VAMP7: variants seen among roughly 807,000 people sequenced by gnomAD.
The protein encoded by VAMP7 is vesicle-associated membrane protein 7.
In VAMP7, 14 loss-of-function variants were observed where a neutral mutation model predicts 29.6. The ratio of observed to expected loss-of-function variants is 0.47; its 90% CI spans 0.31 to 0.74. The LOEUF (loss-of-function observed/expected upper bound fraction) is 0.74, where lower values mean the gene tolerates loss of function less well. VAMP7 is among the 30% of genes least tolerant of loss of function. The pLI is 0.05. For missense variants in VAMP7, 223 were observed against 262.4 expected (o/e 0.85, Z 1.04); for synonymous variants, 95 against 88.1 (o/e 1.08, Z -0.44).
chrX:155,939,922 C>A, intron 7 of VAMP7, 129 bp downstream of exon 7: 1 of 774,348 alleles, frequency 1.3e-6, no homozygotes, highest in Non-Finnish European at 2.2e-6. Flanking sequence ...AAACACATGA[C>A]CAGGCAGTGG....
intron 2 of VAMP7, among the ~76,000 whole-genome samples, chrX:155,891,607 C>T (rs543184755): frequency 6.6e-6 from 1 of 152,356 alleles, no homozygotes; most frequent in African/African-American, 2.4e-5. Flanking sequence ...ATGTAGAAGT[C>T]ATTGCTTTCC....
intron 1 of VAMP7, among the ~76,000 whole-genome samples, chrX:155,884,210 C>G (rs918195581): frequency 6.6e-6 from 1 of 152,048 alleles, no homozygotes; most frequent in African/African-American, 2.4e-5. Flanking sequence ...TCACCTCAGC[C>G]TCCACTTCCC....
chrX:155,936,785 G>T (rs1304053183), intron 6 of VAMP7, among the ~76,000 whole-genome samples: 2 of 152,146 alleles, frequency 1.3e-5, no homozygotes, highest in African/African-American at 2.4e-5. Context: ...CTCACGCTGG[G>T]GGCTGTAGAC....
chrX:155,940,006 A>G (rs1775961325), intron 7 of VAMP7, among the ~76,000 whole-genome samples: 1 of 152,114 alleles, frequency 6.6e-6, no homozygotes, highest in Non-Finnish European at 1.5e-5. Context: ...ATATATTCTC[A>G]ATAGGAAGAG....
At chrX:155,893,315 A>T (rs2065947194) in intron 2 of VAMP7, among the ~76,000 whole-genome samples, 1 of 152,160 alleles carries the variant, frequency 6.6e-6, no homozygotes, top group African/African-American at 2.4e-5. Flanking sequence ...GATAGGTCAG[A>T]TGGAGATTTG....
chrX:155,940,109 T>C (rs2066722362), intron 7 of VAMP7, among the ~76,000 whole-genome samples: 1 of 152,110 alleles, frequency 6.6e-6, no homozygotes, highest in Non-Finnish European at 1.5e-5. Context: ...ATTTTTAAAT[T>C]AATTATGTAT....
chrX:155,889,744 C>A, intron 2 of VAMP7, 132 bp downstream of exon 2: 1 of 981,208 alleles, frequency 1.0e-6, no homozygotes, highest in Non-Finnish European at 1.4e-6. Context: ...TAACCTTCAC[C>A]AACTTAGAAA....
chrX:155,892,741 G>GTATTATTATTATTAT (rs34905684), intron 2 of VAMP7, among the ~76,000 whole-genome samples: 7 of 145,890 alleles, frequency 4.8e-5, no homozygotes, highest in South Asian at 2.2e-4. Flanking sequence ...TTTTCACACT[G>GTATTATTATTATTAT]TATTATTATT....
chrX:155,917,583 A>C (rs1402803850), intron 5 of VAMP7, among the ~76,000 whole-genome samples: 1 of 151,848 alleles, frequency 6.6e-6, no homozygotes, highest in Non-Finnish European at 1.5e-5. Context: ...GGTCTGCTGG[A>C]GTTTGTTGGA....
rs1404651329 is a variant in VAMP7, at chrX:155,881,465, G to GC, written c.-10+18dup. 2 of 834 alleles carry GC rather than the reference G, an allele frequency of 2.4e-3. No individual in the cohort carries two copies. The highest frequency in any genetic ancestry group is 0.045 in the Admixed American group (1 of 22). 0.1% of individuals were successfully genotyped at this position (834 alleles called of 1,614,324 possible). ...CCCGGACAGGTAAATGGAGTGGGGTGCGCCTGCGGGAGGCGGGGAGAGAAC... is the reference window on the plus strand; with the variant it reads ...CCCGGACAGGTAAATGGAGTGGGGTGCCGCCTGCGGGAGGCGGGGAGAGAAC... On this transcript the variant is annotated intron_variant, in intron 1 of 7. Coordinates refer to ENST00000286448, the MANE Select transcript of VAMP7 (RefSeq NM_005638.6).
chrX:155,896,680 C>T (rs1236787227), intron 3 of VAMP7, among the ~76,000 whole-genome samples: 1 of 152,056 alleles, frequency 6.6e-6, no homozygotes, highest in Non-Finnish European at 1.5e-5. Flanking sequence ...AAGCTTTTCC[C>T]AGCTGCATGC....
Position 155,898,255 on chromosome X carries a change from A to G in VAMP7, c.342+6A>G, listed in dbSNP as rs200878797. 3.1e-6 allele frequency: 5 copies of G among 1,612,602 alleles called. No homozygotes were observed. Among genetic ancestry groups the G allele is most frequent in the Admixed American group, 3.3e-5 (2 of 59,856 alleles). On this transcript the variant is annotated splice_donor_region_variant and intron_variant, in intron 4 of 7. Transcript: ENST00000286448. ...GTGTCTTAGCTGCACAGCTGGTAAG[A>G]TCTTTCTCAGGATAAGGTATTTTGA...
intron 5 of VAMP7, 142 bp downstream of exon 5, chrX:155,900,729 A>G: frequency 2.9e-6 from 2 of 679,034 alleles, no homozygotes; most frequent in Non-Finnish European, 2.5e-6. Context: ...GACAACTGTG[A>G]TACTGTCTGC....
chrX:155,910,964 CT>C (rs1392315159), intron 5 of VAMP7, among the ~76,000 whole-genome samples: 2 of 151,958 alleles, frequency 1.3e-5, no homozygotes, highest in African/African-American at 4.8e-5. Context: ...GTCTATTTTT[CT>C]TTTCGTTACC....
chrX:155,928,207 G>A (rs2066498776), intron 6 of VAMP7, among the ~76,000 whole-genome samples: 1 of 152,168 alleles, frequency 6.6e-6, no homozygotes, highest in East Asian at 1.9e-4. Context: ...ACAGGCATGA[G>A]CCACCACACC....
In VAMP7 at chrX:155,943,074, C is replaced by G. The variant is rs2066770440; in HGVS notation, c.*1123C>G. On this transcript the variant is annotated 3_prime_UTR_variant, in exon 8 of 8. Coordinates refer to ENST00000286448, the MANE Select transcript of VAMP7 (RefSeq NM_005638.6). Reference sequence around the variant, plus strand: ...AATTAATACAAAACAGTTTAACAACCATTTAACTGCAGTGTAAGAAAATTG... The same window carrying G: ...AATTAATACAAAACAGTTTAACAACGATTTAACTGCAGTGTAAGAAAATTG... 6.7e-6 allele frequency: 1 copy of G among 150,188 alleles called. No individual in the cohort carries two copies. The highest frequency in any genetic ancestry group is 2.2e-4 in the South Asian group (1 of 4,610). 9.3% of individuals were successfully genotyped at this position (150,188 alleles called of 1,614,324 possible).
chrX:155,904,706 G>C (rs141174636), intron 5 of VAMP7, among the ~76,000 whole-genome samples: 1,876 of 151,826 alleles, frequency 0.012, 31 homozygotes, highest in African/African-American at 0.043. Flanking sequence ...TTGTGTCTTC[G>C]TTCACTTAGC....
intron 1 of VAMP7, among the ~76,000 whole-genome samples, chrX:155,888,620 A>G (rs1374983220): frequency 6.6e-6 from 1 of 152,210 alleles, no homozygotes; most frequent in Non-Finnish European, 1.5e-5. Flanking sequence ...ATAGGCAGAC[A>G]TAAGGAAAAT....
intron 6 of VAMP7, among the ~76,000 whole-genome samples, chrX:155,922,408 T>C (rs980779849): frequency 1.3e-5 from 2 of 152,058 alleles, no homozygotes; most frequent in African/African-American, 4.8e-5. Context: ...GTGGAAGAAT[T>C]CCCTTTAATT....
Sources: allele counts gnomAD v4.1 joint callset (sites outside exome capture counted in the v4.1 genomes callset), GRCh38; gene constraint gnomAD v4.1.1; transcripts MANE v1.5; gene names NCBI Gene and HGNC (gene_info 2026-07-23, HGNC 2026-07-21).